The following SPP2 variants were observed in gnomAD, a reference collection of about 807,000 sequenced individuals.
The protein encoded by SPP2 is secreted phosphoprotein 24.
In SPP2, 34 loss-of-function variants were observed where a neutral mutation model predicts 28.8. The ratio of observed to expected loss-of-function variants is 1.18; its 90% CI spans 0.90 to 1.57. SPP2 has a LOEUF of 1.57. Among genes scored for constraint, SPP2 ranks in the 40% most tolerant of loss-of-function variants. SPP2 has a pLI of 0.00. For synonymous variants in SPP2, 96 were observed against 89.4 expected, an observed-to-expected ratio of 1.07 and a Z score of -0.42; for missense variants, 269 against 263.9, an observed-to-expected ratio of 1.02 and a Z score of -0.13.
chr2:234,069,870 C>T lies in SPP2; in HGVS notation c.551-58C>T, dbSNP rs1254940626. 3 of 1,344,752 alleles carry T rather than the reference C, an allele frequency of 2.2e-6. No individual in the cohort carries two copies. The Admixed American group carries it at 5.1e-5, about 23-fold the overall frequency. The allele number at this position is 1,344,752 out of a possible 1,614,324, so 83.3% of individuals were successfully genotyped here. Reference sequence around the variant, plus strand: ...CATTAATTTGTAGTAACATTGTCCACACTGTCTCAGATCTTGATGTGACTG... The same window carrying T: ...CATTAATTTGTAGTAACATTGTCCATACTGTCTCAGATCTTGATGTGACTG... On this transcript the variant is annotated intron_variant, in intron 6 of 7. Transcript: ENST00000168148.
At chr2:234,071,933 G>A (rs1051612677) in intron 7 of SPP2, among the ~76,000 whole-genome samples, 1 of 152,186 alleles carries the variant, frequency 6.6e-6, no homozygotes, top group African/African-American at 2.4e-5. Context: ...GGCCTCTGTA[G>A]GTTCCTCATC....
At chr2:234,061,253 T>C (rs1693714229) in intron 4 of SPP2, among the ~76,000 whole-genome samples, 1 of 152,192 alleles carries the variant, frequency 6.6e-6, no homozygotes, top group Non-Finnish European at 1.5e-5. Flanking sequence ...CTAGACTGTA[T>C]GTCTCATGAG....
In SPP2 at chr2:234,051,022, C is replaced by A; in HGVS notation, c.137C>A (p.Ala46Asp). 10 of 1,614,000 alleles carry A rather than the reference C, an allele frequency of 6.2e-6. No individual in the cohort carries two copies. Among genetic ancestry groups the A allele is most frequent in the Non-Finnish European group, 8.5e-6 (10 of 1,179,936 alleles). ...TCCTCCTTAAGGGATGCCCTCAGTG[C>A]CTCTGTGGTAAAAGTGAATTCCCAG... Reference protein sequence around the residue: ...DPSSLRDALSASVVKVNSQSL... With the variant: ...DPSSLRDALSDSVVKVNSQSL... The change falls in exon 2 of 8, where the codon GCC (alanine) becomes GAC (aspartate). Residue 46 changes from alanine (A) to aspartate (D), a missense_variant. Transcript: ENST00000168148.
chr2:234,058,780 G>C, intron 2 of SPP2, 56 bp from the exon 3 acceptor site: 3 of 1,562,388 alleles, frequency 1.9e-6, no homozygotes, highest in Non-Finnish European at 2.6e-6. Flanking sequence ...ATGATTTATA[G>C]CATCATAAAC....
chr2:234,057,956 C>T (rs894511209), intron 2 of SPP2, among the ~76,000 whole-genome samples: 17 of 152,304 alleles, frequency 1.1e-4, no homozygotes, highest in African/African-American at 3.8e-4. Context: ...AAAATCACCA[C>T]GAACACTGAA....
At chr2:234,069,091 A>G (rs1465087134) in intron 6 of SPP2, among the ~76,000 whole-genome samples, 1 of 152,074 alleles carries the variant, frequency 6.6e-6, no homozygotes, top group African/African-American at 2.4e-5. Flanking sequence ...AGGCTGTTGG[A>G]CCAAGGGCTT....
chr2:234,069,293 T>C lies in SPP2; in HGVS notation c.551-635T>C, dbSNP rs144027222. On this transcript the variant is annotated intron_variant, in intron 6 of 7. Transcript: ENST00000168148. ...CTTGGAAGTGATATATCATCACTTC[T>C]GCATAATCTATTATTAAATACACAG... 7.5e-3 allele frequency among the ~76,000 whole-genome samples: 1,135 copies of C among 152,292 alleles called. 12 individuals carry two copies. The highest frequency in any genetic ancestry group is 0.026 in the African/African-American group (1,086 of 41,558).
At chr2:234,052,825 C>T (rs1234924906) in intron 2 of SPP2, among the ~76,000 whole-genome samples, 6 of 152,152 alleles carry the variant, frequency 3.9e-5, no homozygotes, top group Non-Finnish European at 4.4e-5. Context: ...GGGAGATTCT[C>T]TTCCTTTGAT....
intron 3 of SPP2, 56 bp from the exon 4 acceptor site, chr2:234,060,313 G>T: frequency 1.7e-6 from 2 of 1,184,624 alleles, no homozygotes; most frequent in South Asian, 2.4e-5. Context: ...ACTCAATGGA[G>T]GCTATCCCTT....
chr2:234,076,649 T>A (rs1559181669), intron 7 of SPP2, among the ~76,000 whole-genome samples, 196 bp from the exon 8 acceptor site: 1 of 152,070 alleles, frequency 6.6e-6, no homozygotes, highest in Non-Finnish European at 1.5e-5. Context: ...GCCAACCTAC[T>A]CTTTTGCTTT....
intron 4 of SPP2, among the ~76,000 whole-genome samples, chr2:234,063,842 C>G (rs56821121): frequency 6.6e-6 from 1 of 152,210 alleles, no homozygotes; most frequent in African/African-American, 2.4e-5. Context: ...GTTTCCGACA[C>G]GAGACCCAAA....
intron 2 of SPP2, among the ~76,000 whole-genome samples, chr2:234,058,509 G>C (rs1004870977): frequency 6.6e-6 from 1 of 152,180 alleles, no homozygotes; most frequent in Non-Finnish European, 1.5e-5. Context: ...AAATTTTAGT[G>C]AGTAGGTGAG....
chr2:234,076,391 C>T (rs1337471061), intron 7 of SPP2, among the ~76,000 whole-genome samples: 1 of 152,114 alleles, frequency 6.6e-6, no homozygotes, highest in Non-Finnish European at 1.5e-5. Flanking sequence ...GAACCCTTTT[C>T]CTCGGGTTTC....
chr2:234,074,056 T>A (rs77618284), intron 7 of SPP2, among the ~76,000 whole-genome samples: 1 of 152,214 alleles, frequency 6.6e-6, no homozygotes, highest in African/African-American at 2.4e-5. Context: ...CTCTGTTTCA[T>A]TGAGGAGGAA....
intron 4 of SPP2, 32 bp downstream of exon 4, chr2:234,060,511 G>A (rs761438988): frequency 1.4e-5 from 21 of 1,532,892 alleles, no homozygotes; most frequent in African/African-American, 5.5e-5. Flanking sequence ...CTCCCAGACC[G>A]CACCTCTTAG....
chr2:234,076,407 C>T (rs1690894621), intron 7 of SPP2, among the ~76,000 whole-genome samples: 2 of 152,156 alleles, frequency 1.3e-5, no homozygotes, highest in South Asian at 4.1e-4. Context: ...GTTTCCTGCA[C>T]ATAGGCGTCT....
At chr2:234,052,061 T>C (rs1693508661) in intron 2 of SPP2, among the ~76,000 whole-genome samples, 3 of 152,202 alleles carry the variant, frequency 2.0e-5, no homozygotes, top group Admixed American at 6.5e-5. Context: ...GTTTCTCTTT[T>C]CCAAATTTCA....
chr2:234,074,975 G>A (rs192351793), intron 7 of SPP2, among the ~76,000 whole-genome samples: 5 of 135,198 alleles, frequency 3.7e-5, no homozygotes, highest in South Asian at 2.4e-4. Flanking sequence ...AAACAGTGAC[G>A]TCATCAACAA....
At chr2:234,068,806 A>C (rs1041915359) in intron 6 of SPP2, among the ~76,000 whole-genome samples, 5 of 151,906 alleles carry the variant, frequency 3.3e-5, no homozygotes, top group Non-Finnish European at 5.9e-5. Context: ...CTGATTAATC[A>C]GATTAATAAT....
Sources: allele counts gnomAD v4.1 joint callset (sites outside exome capture counted in the v4.1 genomes callset), GRCh38; gene constraint gnomAD v4.1.1; transcripts MANE v1.5; gene names NCBI Gene and HGNC (gene_info 2026-07-23, HGNC 2026-07-21).